Variants in TNFRSF6B observed in about 807,000 individuals in gnomAD.
TNFRSF6B encodes the protein TNF receptor superfamily member 6b.
TNFRSF6B carries 23 observed loss-of-function variants against 17.9 expected under a neutral mutation model. That is an observed-to-expected ratio of 1.28 (90% CI 0.92 to 1.82). The LOEUF is 1.82. Ranked by LOEUF, TNFRSF6B falls within the 40% of genes most tolerant of loss-of-function variation. The pLI, the probability that TNFRSF6B is intolerant of heterozygous loss-of-function variation, is 0.00. For missense variants in TNFRSF6B, 555 were observed against 437.2 expected (o/e 1.27, Z -2.40); for synonymous variants, 291 against 195.8 (o/e 1.49, Z -4.06).
chr20:63,697,073 A>T lies in TNFRSF6B; in HGVS notation c.306A>T (p.Ala102=). The stretch of plus-strand genomic sequence containing the variant: ...TCTGCGGGGAGCGTGAGGAGGAGGC[A>T]CGGGCTTGCCACGCCACCCACAACC... The part of the protein sequence containing the change: ...NVLCGEREEE[A]RACHATHNRA... The change falls in exon 1 of 3, where the codon GCA becomes GCT. Residue 102 remains alanine (A), a synonymous_variant. Coordinates refer to ENST00000369996, the MANE Select transcript of TNFRSF6B (RefSeq NM_003823.4). The T allele has an allele frequency of 6.2e-7, 1 of 1,605,754 alleles. No individual in the cohort carries two copies.
In TNFRSF6B at chr20:63,696,858, G is replaced by C. The variant is rs751617778; in HGVS notation, c.91G>C (p.Ala31Pro). 3.7e-6 allele frequency: 6 copies of C among 1,611,678 alleles called. No individual in the cohort carries two copies. The highest frequency in any genetic ancestry group is 5.1e-6 in the Non-Finnish European group (6 of 1,179,504). Residue 31 changes from alanine (A) to proline (P), a missense_variant, in exon 1 of 3, where the codon GCA becomes CCA. Physicochemically the swap from Ala to Pro is conservative, Grantham distance 27. Transcript: ENST00000369996. ...LLPVPAVRGV[A>P]ETPTYPWRDA... The stretch of plus-strand genomic sequence containing the variant: ...GCCGGTGCCGGCTGTACGCGGAGTG[G>C]CAGAAACACCCACCTACCCCTGGCG...
rs779291184 is a variant in TNFRSF6B at position 63,698,530 on chromosome 20, G to A, written c.870G>A (p.Arg290=). 7 of 1,540,642 alleles carry A rather than the reference G, an allele frequency of 4.5e-6. No individual in the cohort carries two copies. Among genetic ancestry groups the A allele is most frequent in the Non-Finnish European group, 6.1e-6 (7 of 1,153,642 alleles). The change falls in exon 3 of 3, where the codon CGG becomes CGA. Residue 290 remains arginine (R), a synonymous_variant. Coordinates refer to ENST00000369996, the MANE Select transcript of TNFRSF6B (RefSeq NM_003823.4). ...TGGCCAGGATGCCCGGGCTGGAGCG[G>A]AGCGTCCGTGAGCGCTTCCTCCCTG... is the stretch of plus-strand genomic sequence containing the variant. ...LRVARMPGLE[R]SVRERFLPVH
rs977139906 is a variant in TNFRSF6B, at chr20:63,696,704, C to T, written c.-64C>T. 4.9e-5 allele frequency: 71 copies of T among 1,439,500 alleles called. No homozygotes were observed. In the East Asian group the frequency reaches 5.5e-4, roughly 11 times the overall value. 89.2% of individuals were successfully genotyped at this position (1,439,500 alleles called of 1,614,324 possible). On this transcript the variant is annotated 5_prime_UTR_variant, in exon 1 of 3. Transcript: ENST00000369996. ...ACCGGGGGCAAAGGAGGTGGCATGT[C>T]GGTCAGGCACAGCAGGGTCCTGTGT...
chr20:63,698,671 G>A lies in TNFRSF6B; in HGVS notation c.*108G>A. On this transcript the variant is annotated 3_prime_UTR_variant, in exon 3 of 3. Transcript: ENST00000369996. ...GTTTCTTAAAGCTTATTTTTATAAAGCTTTTTCATAAAACTGGTTGTAGTT... is the reference window on the plus strand; with the variant it reads ...GTTTCTTAAAGCTTATTTTTATAAAACTTTTTCATAAAACTGGTTGTAGTT... 2 of 1,294,070 alleles carry A rather than the reference G, an allele frequency of 1.5e-6. No homozygotes were observed. The highest frequency in any genetic ancestry group is 1.9e-5 in the South Asian group (1 of 52,646). 80.2% of individuals were successfully genotyped at this position (1,294,070 alleles called of 1,614,324 possible).
At chr20:63,697,246 G>A in intron 1 of TNFRSF6B, 55 bp downstream of exon 1, 3 of 1,550,182 alleles carry the variant, frequency 1.9e-6, no homozygotes, top group Non-Finnish European at 2.6e-6. Flanking sequence ...AGGTGTGGCA[G>A]GGGTCAGGTT....
At position 63,697,622 on chromosome 20, in the gene TNFRSF6B, G is replaced by A. The variant is rs141143441; in HGVS notation, c.619+100G>A. The stretch of plus-strand genomic sequence containing the variant: ...GCATCTAGCCTGAGGCATGCCAGCT[G>A]GCTCTGGGAAGGGGCCACAGTGGAT... On this transcript the variant is annotated intron_variant, in intron 2 of 2. Coordinates refer to ENST00000369996, the MANE Select transcript of TNFRSF6B (RefSeq NM_003823.4). 4.6e-4 allele frequency: 610 copies of A among 1,321,158 alleles called. 7 individuals are homozygous for A. In the East Asian group the frequency reaches 0.012, roughly 25 times the overall value. 81.8% of individuals were successfully genotyped at this position (1,321,158 alleles called of 1,614,324 possible).
At position 63,698,423 on chromosome 20, in the gene TNFRSF6B, C is replaced by G; in HGVS notation, c.763C>G (p.Leu255Val). The change falls in exon 3 of 3, where the codon CTG becomes GTG. Residue 255 changes from leucine to valine, a missense_variant. Leu to Val is a conservative substitution (Grantham distance 32, BLOSUM62 1). Transcript: ENST00000369996. ...TPRAGRAALQ[L>V]KLRRRLTELL... ...AAGGGCGGGCCGCGCGGCCTTGCAGCTGAAGCTGCGTCGGCGGCTCACGGA... is the reference window on the plus strand; with the variant it reads ...AAGGGCGGGCCGCGCGGCCTTGCAGGTGAAGCTGCGTCGGCGGCTCACGGA... The G allele has an allele frequency of 1.3e-6, 2 of 1,584,326 alleles. No homozygotes were observed. Among genetic ancestry groups the G allele is most frequent in the Non-Finnish European group, 1.7e-6 (2 of 1,168,340 alleles).
intron 2 of TNFRSF6B, 71 bp downstream of exon 2, chr20:63,697,593 A>C: frequency 7.0e-7 from 1 of 1,431,900 alleles, no homozygotes. Flanking sequence ...CTGCCCCTGC[A>C]CGTGCATCTA....
chr20:63,697,114 G>C lies in TNFRSF6B; in HGVS notation c.347G>C (p.Arg116Pro). Residue 116 changes from arginine to proline, a missense_variant, in exon 1 of 3, where the codon CGC (arginine) becomes CCC (proline). Coordinates refer to ENST00000369996, the MANE Select transcript of TNFRSF6B (RefSeq NM_003823.4). ...HATHNRACRC[R>P]TGFFAHAGFC... ...ACCCACAACCGTGCCTGCCGCTGCC[G>C]CACCGGCTTCTTCGCGCACGCTGGT... 6.3e-7 allele frequency: 1 copy of C among 1,599,470 alleles called. No individual in the cohort carries two copies. Among genetic ancestry groups the C allele is most frequent in the South Asian group, 1.1e-5 (1 of 89,824 alleles).
chr20:63,697,271 T>C lies in TNFRSF6B; in HGVS notation c.425-57T>C, dbSNP rs1475389679. ...GGGGTCAGGTTGCTGGTCCCAGCCT[T>C]GCACCCTGAGCTAGGACACCAGTTC... is the stretch of plus-strand genomic sequence containing the variant. On this transcript the variant is annotated intron_variant, in intron 1 of 2. Coordinates refer to ENST00000369996, the MANE Select transcript of TNFRSF6B (RefSeq NM_003823.4). 1.2e-5 allele frequency: 19 copies of C among 1,567,998 alleles called. No homozygotes were observed. The Admixed American group carries it at 3.4e-4, about 28-fold the overall frequency.
In TNFRSF6B at chr20:63,698,346, T is replaced by TG; in HGVS notation, c.687dup (p.Gln230AlafsTer65). ...TTCCAGGACATCTCCATCAAGAGGC[T>TG]GCAGCGGCTGCTGCAGGCCCTCGAG... On this transcript the variant is annotated frameshift_variant, in exon 3 of 3. Transcript: ENST00000369996. LOFTEE classifies it low-confidence loss of function (END_TRUNC). 1 of 1,611,196 alleles carries TG rather than the reference T, an allele frequency of 6.2e-7. No individual in the cohort carries two copies. Among genetic ancestry groups the TG allele is most frequent in the South Asian group, 1.1e-5 (1 of 91,022 alleles).
At chr20:63,698,176 C>A in intron 2 of TNFRSF6B, 104 bp from the exon 3 acceptor site, 2 of 1,424,834 alleles carry the variant, frequency 1.4e-6, no homozygotes, top group Non-Finnish European at 1.9e-6. Flanking sequence ...ATTTCTCTCT[C>A]CTGCAAACCC....
chr20:63,696,701 T>G lies in TNFRSF6B; in HGVS notation c.-67T>G. 1 of 1,435,362 alleles carries G rather than the reference T, an allele frequency of 7.0e-7. No individual in the cohort carries two copies. The highest frequency in any genetic ancestry group is 9.1e-7 in the Non-Finnish European group (1 of 1,092,902). 88.9% of individuals were successfully genotyped at this position (1,435,362 alleles called of 1,614,324 possible). ...CGGACCGGGGGCAAAGGAGGTGGCA[T>G]GTCGGTCAGGCACAGCAGGGTCCTG... On this transcript the variant is annotated 5_prime_UTR_variant, in exon 1 of 3. An upstream start codon of the reference 5' UTR is lost. Coordinates refer to ENST00000369996, the MANE Select transcript of TNFRSF6B (RefSeq NM_003823.4).
chr20:63,697,588 C>G, intron 2 of TNFRSF6B, 66 bp downstream of exon 2: 1 of 1,441,758 alleles, frequency 6.9e-7, no homozygotes, highest in Middle Eastern at 2.1e-4. Context: ...CACTCCTGCC[C>G]CTGCACGTGC....
intron 2 of TNFRSF6B, among the ~76,000 whole-genome samples, chr20:63,697,826 G>A (rs2091016096): frequency 6.6e-6 from 1 of 152,130 alleles, no homozygotes; most frequent in Non-Finnish European, 1.5e-5. Context: ...GGAAACCGAG[G>A]CCTGATGGTA....
intron 2 of TNFRSF6B, 108 bp downstream of exon 2, chr20:63,697,630 G>A (rs1421409908): frequency 8.0e-7 from 1 of 1,244,410 alleles, no homozygotes; most frequent in Non-Finnish European, 1.1e-6. Flanking sequence ...CTGGCTCTGG[G>A]AAGGGGCCAC....
chr20:63,698,529 G>A lies in TNFRSF6B; in HGVS notation c.869G>A (p.Arg290Gln), dbSNP rs757741103. The A allele has an allele frequency of 7.1e-5, 110 of 1,547,390 alleles. 1 individual carries two copies. Among genetic ancestry groups the A allele is most frequent in the South Asian group, 1.7e-4 (14 of 82,164 alleles). ...LRVARMPGLE[R>Q]SVRERFLPVH Reference sequence around the variant, plus strand: ...GTGGCCAGGATGCCCGGGCTGGAGCGGAGCGTCCGTGAGCGCTTCCTCCCT... The same window carrying A: ...GTGGCCAGGATGCCCGGGCTGGAGCAGAGCGTCCGTGAGCGCTTCCTCCCT... Residue 290 changes from arginine (R) to glutamine (Q), a missense_variant, in exon 3 of 3, where the codon CGG becomes CAG. By Grantham distance (43) the Arg-to-Gln change is conservative. Coordinates refer to ENST00000369996, the MANE Select transcript of TNFRSF6B (RefSeq NM_003823.4).
chr20:63,698,590 A>G lies in TNFRSF6B; in HGVS notation c.*27A>G. 6.8e-7 allele frequency: 1 copy of G among 1,463,350 alleles called. No individual in the cohort carries two copies. Among genetic ancestry groups the G allele is most frequent in the Non-Finnish European group, 9.0e-7 (1 of 1,110,882 alleles). 90.6% of individuals were successfully genotyped at this position (1,463,350 alleles called of 1,614,324 possible). A position where few individuals can be genotyped will look rare whatever the true frequency, so the allele number is the denominator to read the frequency against. ...CCTGGCCCCCTCTTATTTATTCTAC[A>G]TCCTTGGCACCCCACTTGCACTGAA... On this transcript the variant is annotated 3_prime_UTR_variant, in exon 3 of 3. Transcript: ENST00000369996.
intron 2 of TNFRSF6B, 77 bp downstream of exon 2, chr20:63,697,599 A>C: frequency 7.1e-7 from 1 of 1,414,612 alleles, no homozygotes; most frequent in Non-Finnish European, 9.4e-7. Context: ...CTGCACGTGC[A>C]TCTAGCCTGA....
Sources: allele counts gnomAD v4.1 joint callset (sites outside exome capture counted in the v4.1 genomes callset), GRCh38; gene constraint gnomAD v4.1.1; transcripts MANE v1.5; gene names NCBI Gene and HGNC (gene_info 2026-07-23, HGNC 2026-07-21).